The following WLS variants were observed in gnomAD, a reference collection of about 807,000 sequenced individuals.
WLS encodes Wnt ligand secretion mediator.
In WLS, 23 loss-of-function variants were observed where a neutral mutation model predicts 62.8. The ratio of observed to expected loss-of-function variants is 0.37; its 90% confidence interval spans 0.26 to 0.52. The LOEUF (loss-of-function observed/expected upper bound fraction) is 0.52, where lower values mean the gene tolerates loss of function less well. Ranked by LOEUF, WLS falls within the 20% of genes least tolerant of loss-of-function variation. The pLI, the probability that WLS is intolerant of heterozygous loss-of-function variation, is 0.92. For missense variants in WLS, 615 were observed against 697.3 expected (o/e 0.88, Z 1.33); for synonymous variants, 246 against 244.1 (o/e 1.01, Z -0.07).
At chr1:68,155,019 A>C in intron 4 of WLS, 80 bp downstream of exon 4, 1 of 1,426,328 alleles carries the variant, frequency 7.0e-7, no homozygotes, top group Non-Finnish European at 9.5e-7. Context: ...CTCAGATGAG[A>C]CAGGTGAGGC....
intron 1 of WLS, among the ~76,000 whole-genome samples, chr1:68,213,959 C>T (rs1649626157): frequency 6.6e-6 from 1 of 152,178 alleles, no homozygotes; most frequent in Non-Finnish European, 1.5e-5. Flanking sequence ...CCATCCCCAG[C>T]ACTACTGCTC....
intron 2 of WLS, among the ~76,000 whole-genome samples, chr1:68,177,292 T>G (rs1647298986): frequency 6.6e-6 from 1 of 152,196 alleles, no homozygotes; most frequent in South Asian, 2.1e-4. Context: ...CATTGAAATA[T>G]GAATACTAAA....
intron 2 of WLS, among the ~76,000 whole-genome samples, chr1:68,191,624 G>A (rs181809879): frequency 1.2e-3 from 190 of 152,166 alleles, no homozygotes; most frequent in Admixed American, 2.9e-3. Flanking sequence ...CTGAGTGTTC[G>A]TATGGCTGGG....
chr1:68,181,618 A>T (rs902553017), intron 2 of WLS, among the ~76,000 whole-genome samples: 7 of 152,194 alleles, frequency 4.6e-5, no homozygotes, highest in African/African-American at 1.7e-4. Flanking sequence ...AGGCTGACTC[A>T]CCTGTATGGG....
intron 11 of WLS, among the ~76,000 whole-genome samples, chr1:68,101,343 A>G (rs17130466): frequency 0.055 from 8,426 of 152,236 alleles, 789 homozygotes; most frequent in African/African-American, 0.19. Context: ...TCAGCAACCT[A>G]TCAGAAGAGA....
chr1:68,161,040 G>A (rs74081398), intron 2 of WLS, among the ~76,000 whole-genome samples: 7 of 152,174 alleles, frequency 4.6e-5, no homozygotes, highest in Non-Finnish European at 7.4e-5. Context: ...TTCTTGAACC[G>A]TTTTAGCTCA....
intron 1 of WLS, among the ~76,000 whole-genome samples, chr1:68,210,375 C>T (rs933764805): frequency 6.6e-6 from 1 of 152,196 alleles, no homozygotes; most frequent in African/African-American, 2.4e-5. Flanking sequence ...TACTGTGTAA[C>T]TGAAGTGAAG....
At chr1:68,116,903 TAACAG>T (rs770354586) in intron 11 of WLS, among the ~76,000 whole-genome samples, 11 of 152,294 alleles carry the variant, frequency 7.2e-5, no homozygotes, top group Non-Finnish European at 1.6e-4. Context: ...TTTTGAAGGC[TAACAG>T]AACTGTCCCT....
At chr1:68,150,934 C>T (rs746305940) in intron 5 of WLS, among the ~76,000 whole-genome samples, 27 of 152,274 alleles carry the variant, frequency 1.8e-4, no homozygotes, top group African/African-American at 6.3e-4. Context: ...TACTTTTTTC[C>T]ATCCCCTTGA....
At chr1:68,131,398 G>A (rs981766894) in intron 11 of WLS, among the ~76,000 whole-genome samples, 2 of 152,088 alleles carry the variant, frequency 1.3e-5, no homozygotes, top group Non-Finnish European at 2.9e-5. Flanking sequence ...AACACCCTCA[G>A]TTAGAAAACA....
chr1:68,129,762 CTT>C (rs1413510297), intron 11 of WLS, among the ~76,000 whole-genome samples: 1 of 152,202 alleles, frequency 6.6e-6, no homozygotes, highest in African/African-American at 2.4e-5. Context: ...TTCCCCCTCT[CTT>C]GGCTCCTGCT....
chr1:68,145,848 C>G (rs199851076), intron 9 of WLS, 21 bp downstream of exon 9: 1 of 1,613,576 alleles, frequency 6.2e-7, no homozygotes, highest in Non-Finnish European at 8.5e-7. Context: ...AGTTCCAGAA[C>G]GAGCCAAGAA....
intron 1 of WLS, among the ~76,000 whole-genome samples, chr1:68,220,667 C>G (rs915343066): frequency 1.3e-5 from 2 of 152,162 alleles, no homozygotes; most frequent in African/African-American, 4.8e-5. Context: ...TTAACATGAA[C>G]TATCAAATGG....
At chr1:68,151,403 T>C (rs1477451745) in intron 5 of WLS, among the ~76,000 whole-genome samples, 4 of 152,102 alleles carry the variant, frequency 2.6e-5, no homozygotes, top group African/African-American at 2.4e-5. Context: ...TGGAATCCAA[T>C]AAAAAGTTTA....
intron 1 of WLS, among the ~76,000 whole-genome samples, chr1:68,204,611 A>T (rs2820508): frequency 0.73 from 110,731 of 152,112 alleles, 40,694 homozygotes; most frequent in East Asian, 0.86. Context: ...CCGGCCGGAA[A>T]TATTTTTTTA....
intron 11 of WLS, among the ~76,000 whole-genome samples, chr1:68,112,932 G>T (rs888539756): frequency 6.6e-6 from 1 of 152,356 alleles, no homozygotes; most frequent in Admixed American, 6.5e-5. Flanking sequence ...TCCCTGCCTA[G>T]GTTGGCAGTG....
chr1:68,194,072 T>G lies in WLS; in HGVS notation c.262A>C (p.Asn88His), dbSNP rs770374634. The G allele has an allele frequency of 6.2e-7, 1 of 1,614,156 alleles. No homozygotes were observed. The highest frequency in any genetic ancestry group is 1.7e-5 in the Admixed American group (1 of 60,030). Residue 88 changes from asparagine (N) to histidine (H), a missense_variant, in exon 2 of 12, where the codon AAT becomes CAT. Coordinates refer to ENST00000262348, the MANE Select transcript of WLS (RefSeq NM_024911.7). ...ATGTGAACAGAAAACACGATGTCAT[T>G]GGCTTCAATTTCCCTTGGAATTGCC... is the stretch of plus-strand genomic sequence containing the variant. ...EEAIPREIEA[N>H]DIVFSVHIPL...
intron 11 of WLS, among the ~76,000 whole-genome samples, chr1:68,134,319 G>A (rs956272680): frequency 1.3e-5 from 2 of 152,152 alleles, no homozygotes; most frequent in African/African-American, 4.8e-5. Context: ...GCCCAACATG[G>A]AAGAGACCCC....
intron 2 of WLS, among the ~76,000 whole-genome samples, chr1:68,166,416 G>C (rs948209897): frequency 1.1e-4 from 16 of 152,140 alleles, no homozygotes; most frequent in Admixed American, 6.6e-4. Context: ...CCTTCTTCAG[G>C]CCTCACATCC....
Sources: gnomAD v4.1 joint callset for allele counts (sites outside exome capture counted in the v4.1 genomes callset) on GRCh38, gnomAD v4.1.1 for gene constraint, MANE v1.5 for transcripts, NCBI Gene and HGNC (gene_info 2026-07-23, HGNC 2026-07-21) for gene names.